Variants in PLCB4 observed in about 807,000 individuals in gnomAD.
PLCB4 encodes the protein 1-phosphatidylinositol 4,5-bisphosphate phosphodiesterase beta-4.
Under a neutral mutation model 178.8 loss-of-function variants are expected in PLCB4, and 77 were observed. The observed-to-expected ratio is 0.43, with a 90% CI of 0.36 to 0.52. The LOEUF (loss-of-function observed/expected upper bound fraction) is 0.52, where lower values mean the gene tolerates loss of function less well. Ranked by LOEUF, PLCB4 falls within the 20% of genes least tolerant of loss-of-function variation. The pLI is 0.00. For synonymous variants in PLCB4, 496 were observed against 490.8 expected (o/e 1.01, Z -0.14); for missense variants, 1,024 against 1,453.4 (o/e 0.70, Z 4.80).
chr20:9,147,435 T>A (rs991607694), intron 2 of PLCB4, among the ~76,000 whole-genome samples: 1 of 152,062 alleles, frequency 6.6e-6, no homozygotes, highest in Non-Finnish European at 1.5e-5. Context: ...GAATAACATA[T>A]ATGTATTTAG....
intron 5 of PLCB4, 138 bp from the exon 6 acceptor site, chr20:9,337,870 A>G (rs551134947): frequency 3.5e-6 from 2 of 573,484 alleles, no homozygotes; most frequent in Admixed American, 3.2e-5. Flanking sequence ...AATTATTGTT[A>G]CATGGTTTTA....
intron 1 of PLCB4, among the ~76,000 whole-genome samples, chr20:9,083,797 A>G (rs2090276015): frequency 6.6e-6 from 1 of 152,190 alleles, no homozygotes; most frequent in Non-Finnish European, 1.5e-5. Context: ...AGGACACGGG[A>G]GAAGGTAGCA....
chr20:9,108,011 G>A (rs959302949), intron 2 of PLCB4, among the ~76,000 whole-genome samples: 10 of 152,164 alleles, frequency 6.6e-5, no homozygotes, highest in Non-Finnish European at 1.3e-4. Flanking sequence ...TGGTGAAGGG[G>A]ATTCCAAGGT....
At chr20:9,194,137 G>C (rs529134778) in intron 2 of PLCB4, among the ~76,000 whole-genome samples, 8 of 152,232 alleles carry the variant, frequency 5.3e-5, no homozygotes, top group African/African-American at 1.9e-4. Context: ...TGAAATAATA[G>C]GAAGTGAAAT....
At chr20:9,335,852 G>C (rs893987180) in intron 4 of PLCB4, among the ~76,000 whole-genome samples, 7 of 152,098 alleles carry the variant, frequency 4.6e-5, no homozygotes, top group Non-Finnish European at 8.8e-5. Flanking sequence ...TACAGAGTTG[G>C]AATACATAAA....
rs776734342 is a variant in PLCB4, at chr20:9,411,086, C to T, written c.2049C>T (p.Cys683=). Residue 683 remains cysteine (C), a splice_region_variant and synonymous_variant, in exon 25 of 40, where the codon TGC becomes TGT. Transcript: ENST00000378473. The stretch of plus-strand genomic sequence containing the variant: ...GAAAATTTGAGTATAATGGATCGTG[C>T]GGGTGAGTAATATGATTTAAACTGT... ...NQGKFEYNGS[C]GYLLKPDFMR... 23 of 1,599,494 alleles carry T rather than the reference C, an allele frequency of 1.4e-5. No homozygotes were observed. Among genetic ancestry groups the T allele is most frequent in the African/African-American group, 8.0e-5 (6 of 74,694 alleles).
intron 2 of PLCB4, among the ~76,000 whole-genome samples, chr20:9,152,990 C>T (rs777712476): frequency 1.3e-5 from 2 of 152,166 alleles, no homozygotes; most frequent in Non-Finnish European, 2.9e-5. Context: ...TTTGACAGCT[C>T]TGCTGGATTT....
At chr20:9,449,837 C>T (rs1049155238) in intron 32 of PLCB4, among the ~76,000 whole-genome samples, 1 of 152,128 alleles carries the variant, frequency 6.6e-6, no homozygotes, top group East Asian at 1.9e-4. Context: ...ATGGTCAGAC[C>T]TTAGTACCAG....
At chr20:9,109,149 A>G (rs996455824) in intron 2 of PLCB4, among the ~76,000 whole-genome samples, 1 of 152,218 alleles carries the variant, frequency 6.6e-6, no homozygotes, top group African/African-American at 2.4e-5. Flanking sequence ...TCTTCAGAGC[A>G]GAGATGTGAA....
chr20:9,308,094 G>C (rs190085659), intron 4 of PLCB4, among the ~76,000 whole-genome samples, 196 bp downstream of exon 4: 2 of 152,116 alleles, frequency 1.3e-5, no homozygotes, highest in African/African-American at 4.8e-5. Flanking sequence ...CGCTCACTAT[G>C]TGCCAGATGA....
chr20:9,262,181 G>A (rs2147554475), intron 3 of PLCB4, among the ~76,000 whole-genome samples: 1 of 152,288 alleles, frequency 6.6e-6, no homozygotes, highest in South Asian at 2.1e-4. Context: ...ACCCAAGAAC[G>A]AGTGCCATCT....
At chr20:9,072,350 G>A (rs926356215) in intron 1 of PLCB4, among the ~76,000 whole-genome samples, 1 of 151,626 alleles carries the variant, frequency 6.6e-6, no homozygotes, top group Non-Finnish European at 1.5e-5. Context: ...TTTTGCTTTT[G>A]ATAAAGCCTC....
At chr20:9,273,362 G>A (rs1258508717) in intron 3 of PLCB4, among the ~76,000 whole-genome samples, 1 of 152,108 alleles carries the variant, frequency 6.6e-6, no homozygotes, top group African/African-American at 2.4e-5. Context: ...TTTTACAAAT[G>A]AGGAAACTGA....
chr20:9,096,838 G>A (rs1476441992), intron 2 of PLCB4, among the ~76,000 whole-genome samples: 2 of 152,096 alleles, frequency 1.3e-5, no homozygotes, highest in Non-Finnish European at 2.9e-5. Flanking sequence ...GGCATTCTTG[G>A]GTGTACGGTA....
At chr20:9,102,305 A>C (rs1341442813) in intron 2 of PLCB4, among the ~76,000 whole-genome samples, 1 of 152,214 alleles carries the variant, frequency 6.6e-6, no homozygotes, top group Non-Finnish European at 1.5e-5. Flanking sequence ...AGTTCTGTAT[A>C]GATGATAGAG....
At chr20:9,120,563 C>A (rs1445786203) in intron 2 of PLCB4, among the ~76,000 whole-genome samples, 4 of 152,174 alleles carry the variant, frequency 2.6e-5, no homozygotes, top group Admixed American at 6.5e-5. Context: ...CTCCCATGTT[C>A]ATCCTCTTGG....
chr20:9,116,628 T>C (rs1835051427), intron 2 of PLCB4, among the ~76,000 whole-genome samples: 1 of 152,188 alleles, frequency 6.6e-6, no homozygotes, highest in Non-Finnish European at 1.5e-5. Context: ...AATAGCTTTA[T>C]AGAAACTTTT....
In PLCB4 at chr20:9,459,590, G is replaced by A. The variant is rs1269629326; in HGVS notation, c.3073-45G>A. ...ATGTTGTGCTTTTGGGTTCATACCT[G>A]ACCTATGAGGATTACAATGGCACCG... On this transcript the variant is annotated intron_variant, in intron 34 of 39. Transcript: ENST00000378473. 8 of 1,467,238 alleles carry A rather than the reference G, an allele frequency of 5.5e-6. No homozygotes were observed. The Admixed American group carries it at 9.0e-5, about 16-fold the overall frequency. The allele number at this position is 1,467,238 out of a possible 1,614,324, so 90.9% of individuals were successfully genotyped here. A position where few individuals can be genotyped will look rare whatever the true frequency, so the allele number is the denominator to read the frequency against.
chr20:9,222,268 T>G (rs2093809545), intron 3 of PLCB4, among the ~76,000 whole-genome samples: 1 of 151,846 alleles, frequency 6.6e-6, no homozygotes, highest in Non-Finnish European at 1.5e-5. Context: ...TTGTAAAATT[T>G]TTTTTGTAGA....
Sources: gnomAD v4.1 joint callset for allele counts (sites outside exome capture counted in the v4.1 genomes callset) on GRCh38, gnomAD v4.1.1 for gene constraint, MANE v1.5 for transcripts, NCBI Gene and HGNC (gene_info 2026-07-23, HGNC 2026-07-21) for gene names.